KLHL32: variants seen among roughly 807,000 people sequenced by gnomAD.
KLHL32 encodes the protein kelch like family member 32.
In KLHL32, 35 loss-of-function variants were observed where a neutral mutation model predicts 64.8. That is an observed-to-expected ratio of 0.54 (90% CI 0.41 to 0.72). The LOEUF (loss-of-function observed/expected upper bound fraction) is 0.72. KLHL32 is among the 30% of genes least tolerant of loss of function. The pLI is 0.00. For missense variants in KLHL32, 589 were observed against 768.5 expected, an observed-to-expected ratio of 0.77 and a Z score of 2.76; for synonymous variants, 259 against 281.0, an observed-to-expected ratio of 0.92 and a Z score of 0.78.
intron 3 of KLHL32, among the ~76,000 whole-genome samples, chr6:97,012,900 G>A (rs1780596627): frequency 6.6e-6 from 1 of 152,108 alleles, no homozygotes; most frequent in African/African-American, 2.4e-5. Flanking sequence ...TATTGTTTTG[G>A]TTGTGGTTAT....
At chr6:97,136,880 T>C (rs1800080532) in intron 10 of KLHL32, among the ~76,000 whole-genome samples, 1 of 152,332 alleles carries the variant, frequency 6.6e-6, no homozygotes, top group South Asian at 2.1e-4. Flanking sequence ...ATCTCATTAG[T>C]ATTTTGCCTT....
At chr6:96,924,525 T>G (rs1582343528), upstream of KLHL32, 2 of 148,360 alleles carry the variant, frequency 1.3e-5, no homozygotes, top group South Asian at 3.6e-4. Context: ...GGCGGTGGCG[T>G]TGCGCGCGGG....
intron 7 of KLHL32, among the ~76,000 whole-genome samples, chr6:97,115,279 G>A (rs536766876): frequency 6.6e-6 from 1 of 152,226 alleles, no homozygotes; most frequent in Non-Finnish European, 1.5e-5. Context: ...GCCTCCCAAA[G>A]TGTTGGGATT....
intron 6 of KLHL32, among the ~76,000 whole-genome samples, chr6:97,112,505 G>A (rs1001998692): frequency 6.6e-6 from 1 of 151,428 alleles, no homozygotes; most frequent in Non-Finnish European, 1.5e-5. Flanking sequence ...GGAGTGCAAT[G>A]GTGGGATCTC....
chr6:97,096,112 C>G (rs1166439190), intron 6 of KLHL32, among the ~76,000 whole-genome samples: 2 of 152,040 alleles, frequency 1.3e-5, no homozygotes, highest in Non-Finnish European at 2.9e-5. Context: ...TAGTTATATA[C>G]CCCATCTCAT....
At chr6:96,937,538 C>T (rs1383921083) in intron 1 of KLHL32, among the ~76,000 whole-genome samples, 2 of 152,162 alleles carry the variant, frequency 1.3e-5, no homozygotes, top group Non-Finnish European at 2.9e-5. Flanking sequence ...CTGGGTGTGC[C>T]TCCACTGCCC....
At position 96,960,811 on chromosome 6, in the gene KLHL32, G is replaced by T. The variant is rs530492877; in HGVS notation, c.-65-6185G>T. On this transcript the variant is annotated intron_variant, in intron 1 of 10. Transcript: ENST00000369261. ...AAGGGTATGACAGCTGGAAGCGGGG[G>T]CTTCTGGGTCATAGGTAGATTCAAA... Among the ~76,000 whole-genome samples, 10 of 152,292 alleles carry T rather than the reference G, an allele frequency of 6.6e-5. No homozygotes were observed. In the East Asian group the frequency reaches 1.7e-3, roughly 26 times the overall value.
intron 1 of KLHL32, among the ~76,000 whole-genome samples, chr6:96,946,139 A>G (rs557590142): frequency 2.0e-5 from 3 of 152,130 alleles, no homozygotes; most frequent in Non-Finnish European, 4.4e-5. Flanking sequence ...AGGATTAGTA[A>G]GCTTTTAGAT....
intron 1 of KLHL32, among the ~76,000 whole-genome samples, chr6:96,959,611 C>G (rs62413875): frequency 0.098 from 14,987 of 152,156 alleles, 783 homozygotes; most frequent in Middle Eastern, 0.16. Flanking sequence ...CTCTTTAAAG[C>G]CCAAATCTCC....
In KLHL32 at chr6:97,058,836, C is replaced by G. The variant is rs535827781; in HGVS notation, c.313-5792C>G. On this transcript the variant is annotated intron_variant, in intron 4 of 10. Transcript: ENST00000369261. ...AAATACAAGGAGGCTGGTTGCCACT[C>G]TAAGTGGCCTAATCCAAATGTTATT... is the stretch of plus-strand genomic sequence containing the variant. Among the ~76,000 whole-genome samples, 15 of 132,574 alleles carry G rather than the reference C, an allele frequency of 1.1e-4. No homozygotes were observed. The South Asian group carries it at 3.2e-3, about 28-fold the overall frequency. 87.0% of individuals were successfully genotyped at this position (132,574 alleles called of 152,430 possible). A position where few individuals can be genotyped will look rare whatever the true frequency, so the allele number is the denominator to read the frequency against.
intron 4 of KLHL32, among the ~76,000 whole-genome samples, chr6:97,053,254 A>G (rs1461287267): frequency 6.6e-6 from 1 of 152,188 alleles, no homozygotes; most frequent in African/African-American, 2.4e-5. Flanking sequence ...CTGAATAAAA[A>G]GATTTGAGAC....
the KLHL32 span, among the ~76,000 whole-genome samples, chr6:96,909,776 G>T: frequency 6.6e-6 from 1 of 152,222 alleles, no homozygotes; most frequent in Non-Finnish European, 1.5e-5. Flanking sequence ...AGCACATTCA[G>T]AAGAGTTTGA....
chr6:97,133,303 A>G (rs1316677302), intron 10 of KLHL32, among the ~76,000 whole-genome samples: 1 of 152,204 alleles, frequency 6.6e-6, no homozygotes, highest in Non-Finnish European at 1.5e-5. Flanking sequence ...TGGGCCTTTC[A>G]GAAGAGCAAT....
intron 3 of KLHL32, among the ~76,000 whole-genome samples, chr6:97,009,738 T>G (rs961547125): frequency 2.6e-5 from 4 of 152,210 alleles, no homozygotes; most frequent in African/African-American, 7.2e-5. Context: ...TATTTCATGC[T>G]CATACCTACT....
At chr6:96,941,004 G>T (rs1562176812) in intron 1 of KLHL32, among the ~76,000 whole-genome samples, 1 of 152,204 alleles carries the variant, frequency 6.6e-6, no homozygotes, top group Non-Finnish European at 1.5e-5. Flanking sequence ...AACGTGAAGT[G>T]CATAGTCCTG....
At chr6:97,106,230 G>A (rs963513293) in intron 6 of KLHL32, among the ~76,000 whole-genome samples, 17 of 152,064 alleles carry the variant, frequency 1.1e-4, no homozygotes, top group Admixed American at 9.2e-4. Context: ...ATATATTTCT[G>A]AAATACATAT....
At chr6:97,126,375 G>T (rs1283606794) in intron 7 of KLHL32, among the ~76,000 whole-genome samples, 2 of 149,666 alleles carry the variant, frequency 1.3e-5, no homozygotes, top group Admixed American at 1.3e-4. Flanking sequence ...TCCACTTAAT[G>T]GTAAAACTTA....
Position 97,085,338 on chromosome 6 carries a change from G to A in KLHL32, c.624G>A (p.Trp208Ter), listed in dbSNP as rs772796297. The change falls in exon 6 of 11, where the codon TGG (tryptophan) becomes TGA (stop). Residue 208 changes from tryptophan (W) to a stop codon, truncating the protein, a stop_gained. Coordinates refer to ENST00000369261, the MANE Select transcript of KLHL32 (RefSeq NM_052904.4). LOFTEE classifies it high-confidence loss of function. ...RLTSLSEEQI[W>*]QLAVRWLEHN... ...CCTCCCTGAGTGAAGAGCAGATCTG[G>A]CAGGTAAGGGCGCTGTGCACGGTCG... is the stretch of plus-strand genomic sequence containing the variant. The A allele has an allele frequency of 1.9e-6, 3 of 1,612,330 alleles. No individual in the cohort carries two copies. Among genetic ancestry groups the A allele is most frequent in the Non-Finnish European group, 1.7e-6 (2 of 1,179,878 alleles).
intron 1 of KLHL32, among the ~76,000 whole-genome samples, chr6:96,949,831 A>G (rs956756110): frequency 6.6e-6 from 1 of 152,174 alleles, no homozygotes; most frequent in African/African-American, 2.4e-5. Flanking sequence ...AGGGAAATTC[A>G]GTAGGTAAAT....
Sources: gnomAD v4.1 joint callset for allele counts (sites outside exome capture counted in the v4.1 genomes callset) on GRCh38, gnomAD v4.1.1 for gene constraint, MANE v1.5 for transcripts, NCBI Gene and HGNC (gene_info 2026-07-23, HGNC 2026-07-21) for gene names.